TANK: variants seen among roughly 807,000 people sequenced by gnomAD.
TANK encodes TRAF family member associated NFKB activator.
In TANK, 15 loss-of-function variants were observed where a neutral mutation model predicts 43.6. The observed-to-expected ratio is 0.34, with a 90% CI of 0.23 to 0.53. The LOEUF is 0.53. Ranked by LOEUF, TANK falls within the 20% of genes least tolerant of loss-of-function variation. The probability of loss-of-function intolerance (pLI) is 0.94; values close to 1 mark genes in which losing one functional copy is unlikely to be tolerated. For missense variants in TANK, 417 were observed against 498.6 expected, an observed-to-expected ratio of 0.84 and a Z score of 1.56; for synonymous variants, 162 against 178.2, an observed-to-expected ratio of 0.91 and a Z score of 0.73.
chr2:161,208,065 T>C, intron 4 of TANK: 1 of 834,556 alleles, frequency 1.2e-6, no homozygotes, highest in Non-Finnish European at 1.4e-6. Context: ...GCTTTCCTCC[T>C]TCTGTTTGGT....
chr2:161,167,651 C>G (rs563433106), intron 1 of TANK, among the ~76,000 whole-genome samples: 1 of 149,136 alleles, frequency 6.7e-6, no homozygotes, highest in East Asian at 1.9e-4. Flanking sequence ...GAGATGGAGT[C>G]TCTCTCTGTC....
intron 4 of TANK, among the ~76,000 whole-genome samples, chr2:161,221,338 T>C (rs1368297214): frequency 6.6e-6 from 1 of 152,168 alleles, no homozygotes; most frequent in African/African-American, 2.4e-5. Context: ...TGCTTTCTTA[T>C]TTGAAGTTAC....
intron 1 of TANK, among the ~76,000 whole-genome samples, chr2:161,165,169 T>C (rs576167911): frequency 6.6e-6 from 1 of 151,892 alleles, no homozygotes; most frequent in Admixed American, 6.6e-5. Flanking sequence ...AAAATTAATA[T>C]GAGTTCCATT....
chr2:161,147,930 G>C (rs2105222706), intron 1 of TANK, among the ~76,000 whole-genome samples: 1 of 152,204 alleles, frequency 6.6e-6, no homozygotes, highest in African/African-American at 2.4e-5. Flanking sequence ...TGATGGATAG[G>C]GTATTTGGTC....
chr2:161,176,178 A>G (rs1232438041), intron 1 of TANK, among the ~76,000 whole-genome samples: 6 of 152,168 alleles, frequency 3.9e-5, no homozygotes, highest in African/African-American at 1.4e-4. Flanking sequence ...TGTAATTGAA[A>G]TGTAGCTGCC....
At chr2:161,178,164 A>G (rs1685252288) in intron 1 of TANK, among the ~76,000 whole-genome samples, 1 of 152,132 alleles carries the variant, frequency 6.6e-6, no homozygotes, top group Non-Finnish European at 1.5e-5. Flanking sequence ...TTCTAGGTAT[A>G]TATCTGAAAA....
chr2:161,139,298 C>T (rs1005186219), intron 1 of TANK, among the ~76,000 whole-genome samples: 6 of 152,114 alleles, frequency 3.9e-5, no homozygotes, highest in African/African-American at 1.4e-4. Flanking sequence ...ATGAGGTTGG[C>T]TGTTGGTTTG....
chr2:161,183,029 G>C (rs150133990), intron 2 of TANK, among the ~76,000 whole-genome samples: 2 of 152,230 alleles, frequency 1.3e-5, no homozygotes, highest in African/African-American at 4.8e-5. Context: ...TACGAGCTAG[G>C]AACCATGGAC....
At chr2:161,208,404 T>C (rs965213397) in intron 4 of TANK, among the ~76,000 whole-genome samples, 5 of 152,208 alleles carry the variant, frequency 3.3e-5, no homozygotes, top group Non-Finnish European at 5.9e-5. Flanking sequence ...CCCTTAGTAC[T>C]CTGCTTGAGA....
At chr2:161,160,315 GT>G, upstream of TANK, 1 of 715,280 alleles carries the variant, frequency 1.4e-6, no homozygotes, top group Non-Finnish European at 1.9e-6. Flanking sequence ...CCTGGGCTGG[GT>G]GGGGCAGGGC....
In TANK at chr2:161,179,676, T is replaced by C. The variant is rs1685332303; in HGVS notation, c.14T>C (p.Ile5Thr). The C allele has an allele frequency of 1.9e-6, 3 of 1,613,256 alleles. No homozygotes were observed. The highest frequency in any genetic ancestry group is 2.5e-6 in the Non-Finnish European group (3 of 1,179,546). Reference protein sequence around the residue: MDKNIGEQLNKAYEA... With the variant: MDKNTGEQLNKAYEA... ...GGACGAAGAGGAATGGATAAAAACA[T>C]TGGCGAGCAACTCAATAAAGCGTAT... Residue 5 changes from isoleucine to threonine, a missense_variant, in exon 2 of 8, where the codon ATT becomes ACT. Coordinates refer to ENST00000392749, the MANE Select transcript of TANK (RefSeq NM_001199135.3).
At chr2:161,144,368 C>T (rs1044575677) in intron 1 of TANK, among the ~76,000 whole-genome samples, 2 of 152,098 alleles carry the variant, frequency 1.3e-5, no homozygotes, top group African/African-American at 4.8e-5. Flanking sequence ...TTTGTTTGCT[C>T]TTGCTTCTCT....
chr2:161,172,510 C>T (rs1684996799), intron 1 of TANK, among the ~76,000 whole-genome samples: 1 of 152,056 alleles, frequency 6.6e-6, no homozygotes, highest in Non-Finnish European at 1.5e-5. Flanking sequence ...GATAATTATG[C>T]AGGTGATGCT....
At position 161,204,637 on chromosome 2, in the gene TANK, G is replaced by C. The variant is rs368155960; in HGVS notation, c.209-38G>C. Reference sequence around the variant, plus strand: ...TTTTTCAGGTGGTACCAAAAATAAGGGTTTTCTGCTAATGTCCAAGAGGTT... The same window carrying C: ...TTTTTCAGGTGGTACCAAAAATAAGCGTTTTCTGCTAATGTCCAAGAGGTT... On this transcript the variant is annotated intron_variant, in intron 3 of 7. Coordinates refer to ENST00000392749, the MANE Select transcript of TANK (RefSeq NM_001199135.3). The C allele has an allele frequency of 3.8e-6, 6 of 1,574,332 alleles. No individual in the cohort carries two copies. The African/African-American group carries it at 4.2e-5, about 11-fold the overall frequency.
chr2:161,145,335 A>C (rs922828816), intron 1 of TANK, among the ~76,000 whole-genome samples: 2 of 151,600 alleles, frequency 1.3e-5, no homozygotes, highest in Non-Finnish European at 2.9e-5. Flanking sequence ...TTTAAGGTTA[A>C]TAATGTTATA....
upstream of TANK, chr2:161,156,445 G>T: frequency 2.3e-6 from 2 of 856,368 alleles, no homozygotes; most frequent in Non-Finnish European, 2.8e-6. Flanking sequence ...TTTTTGCATA[G>T]AAAATACAAA....
chr2:161,140,405 G>T (rs1183266719), intron 1 of TANK, among the ~76,000 whole-genome samples: 1 of 151,802 alleles, frequency 6.6e-6, no homozygotes, highest in African/African-American at 2.4e-5. Context: ...GTATTCCCTT[G>T]AACTTTTTAA....
intron 4 of TANK, among the ~76,000 whole-genome samples, chr2:161,216,941 G>T (rs1687142954): frequency 6.6e-6 from 1 of 152,182 alleles, no homozygotes; most frequent in African/African-American, 2.4e-5. Flanking sequence ...CTTCAGAGGA[G>T]AAAGTGCTTC....
chr2:161,173,745 T>C (rs1004868051), intron 1 of TANK, among the ~76,000 whole-genome samples: 14 of 152,120 alleles, frequency 9.2e-5, no homozygotes, highest in Non-Finnish European at 2.9e-5. Context: ...ACCATGACTG[T>C]TTTTCACTTT....
Sources: gnomAD v4.1 joint callset for allele counts (sites outside exome capture counted in the v4.1 genomes callset) on GRCh38, gnomAD v4.1.1 for gene constraint, MANE v1.5 for transcripts, NCBI Gene and HGNC (gene_info 2026-07-23, HGNC 2026-07-21) for gene names.